Variants in EIPR1 observed in about 807,000 individuals in gnomAD.
EIPR1 encodes EARP and GARP complex-interacting protein 1.
Under a neutral mutation model 48.1 loss-of-function variants are expected in EIPR1, and 25 were observed. That is an observed-to-expected ratio of 0.52 (90% CI 0.38 to 0.73). The LOEUF (loss-of-function observed/expected upper bound fraction) is 0.73. Ranked by LOEUF, EIPR1 falls within the 30% of genes least tolerant of loss-of-function variation. EIPR1 has a pLI of 0.00. For missense variants in EIPR1, 415 were observed against 506.2 expected, an observed-to-expected ratio of 0.82 and a Z score of 1.73; for synonymous variants, 204 against 201.9, an observed-to-expected ratio of 1.01 and a Z score of -0.09.
At chr2:3,206,728 C>T (rs1485003129) in intron 5 of EIPR1, among the ~76,000 whole-genome samples, 3 of 152,016 alleles carry the variant, frequency 2.0e-5, no homozygotes, top group African/African-American at 7.3e-5. Flanking sequence ...ATTGGAAAGA[C>T]CATGAGTACA....
intron 3 of EIPR1, among the ~76,000 whole-genome samples, chr2:3,281,516 G>A (rs1283197479): frequency 6.6e-6 from 1 of 152,084 alleles, no homozygotes; most frequent in East Asian, 1.9e-4. Flanking sequence ...GTGGTGAGAT[G>A]AAAAAACTGA....
chr2:3,346,252 A>G (rs927721690), intron 2 of EIPR1, among the ~76,000 whole-genome samples: 3 of 152,240 alleles, frequency 2.0e-5, no homozygotes, highest in African/African-American at 7.2e-5. Context: ...TTTTGACCCA[A>G]TGCTCGTTGA....
intron 2 of EIPR1, among the ~76,000 whole-genome samples, chr2:3,347,454 C>CTCTT (rs1257081345): frequency 2.0e-5 from 3 of 152,214 alleles, no homozygotes; most frequent in Admixed American, 6.5e-5. Flanking sequence ...TGCACAAGCT[C>CTCTT]TCTTTGCCTG....
intron 4 of EIPR1, among the ~76,000 whole-genome samples, chr2:3,254,223 A>G (rs1667086278): frequency 1.3e-5 from 2 of 152,164 alleles, no homozygotes; most frequent in Admixed American, 6.5e-5. Context: ...AAGACACTTA[A>G]AAGAACACGC....
At chr2:3,239,703 T>C (rs2694101) in intron 4 of EIPR1, among the ~76,000 whole-genome samples, 1 of 148,964 alleles carries the variant, frequency 6.7e-6, no homozygotes, top group Non-Finnish European at 1.5e-5. Flanking sequence ...TGGCTGCTCA[T>C]TAACCCCCTT....
intron 5 of EIPR1, among the ~76,000 whole-genome samples, chr2:3,205,278 A>G (rs1665190841): frequency 6.6e-6 from 1 of 152,214 alleles, no homozygotes; most frequent in South Asian, 2.1e-4. Flanking sequence ...CTCGCCAATG[A>G]CTAGTTTAGA....
intron 3 of EIPR1, among the ~76,000 whole-genome samples, chr2:3,269,444 A>G (rs1217441047): frequency 6.8e-5 from 9 of 132,050 alleles, no homozygotes; most frequent in African/African-American, 1.7e-4. Context: ...AATCATCACC[A>G]CACTCAATCA....
chr2:3,246,919 G>A (rs1256884471), intron 4 of EIPR1, among the ~76,000 whole-genome samples: 5 of 93,354 alleles, frequency 5.4e-5, no homozygotes, highest in African/African-American at 2.2e-4. Flanking sequence ...GAGGGAGGGA[G>A]AGAGGGAAGG....
Position 3,286,126 on chromosome 2 carries a change from A to C in EIPR1, c.260-28671T>G, listed in dbSNP as rs1387836173. The stretch of plus-strand genomic sequence containing the variant: ...CCCAGGACTCCAGCTTTTTCCAGCC[A>C]AGCCCCCAGGCACATGGAGCAGACA... On this transcript the variant is annotated intron_variant, in intron 3 of 8. Transcript: ENST00000382125. This position sits in a 1 kb window ranked among gnomAD's most constrained non-coding sequence, Gnocchi z 4.2. Among the ~76,000 whole-genome samples the C allele has an allele frequency of 2.0e-5, 3 of 152,146 alleles. No individual in the cohort carries two copies. The highest frequency in any genetic ancestry group is 4.4e-5 in the Non-Finnish European group (3 of 68,010).
chr2:3,214,117 G>T, intron 5 of EIPR1, 32 bp downstream of exon 5: 1 of 1,595,306 alleles, frequency 6.3e-7, no homozygotes, highest in Non-Finnish European at 8.6e-7. Context: ...TAAAAATACA[G>T]AAACAAACGC....
At chr2:3,353,293 C>CTT (rs764316423) in intron 2 of EIPR1, 6 of 470,930 alleles carry the variant, frequency 1.3e-5, no homozygotes, top group Non-Finnish European at 2.2e-5. Flanking sequence ...ATTTTTAGTC[C>CTT]TTTTTGGCCT....
At chr2:3,324,077 G>A (rs750366328) in intron 3 of EIPR1, among the ~76,000 whole-genome samples, 4 of 152,170 alleles carry the variant, frequency 2.6e-5, no homozygotes, top group Non-Finnish European at 4.4e-5. Flanking sequence ...TTATGCACAC[G>A]GCCTTCTCTG....
chr2:3,244,023 G>A (rs1666721653), intron 4 of EIPR1, among the ~76,000 whole-genome samples: 1 of 152,212 alleles, frequency 6.6e-6, no homozygotes, highest in Non-Finnish European at 1.5e-5. Flanking sequence ...TTCACATGGT[G>A]TCTCCTCTCT....
intron 1 of EIPR1, among the ~76,000 whole-genome samples, chr2:3,372,416 C>A (rs1259408179): frequency 2.7e-5 from 4 of 150,314 alleles, no homozygotes; most frequent in Middle Eastern, 3.4e-3. Context: ...ACACAAAAAA[C>A]CCTTCAAAAA....
chr2:3,190,100 C>A (rs2103099638), intron 8 of EIPR1, among the ~76,000 whole-genome samples: 1 of 152,162 alleles, frequency 6.6e-6, no homozygotes, highest in Middle Eastern at 3.4e-3. Context: ...GCCTGGCCTC[C>A]CCCAGGGTGT....
At position 3,369,367 on chromosome 2, in the gene EIPR1, G is replaced by C. The variant is rs188422585; in HGVS notation, c.42+8281C>G. Reference sequence around the variant, plus strand: ...GGTACCGGGTTCATCTCACTAGGGAGTGCCAGACAGTGGGCGCAGGTCAGT... The same window carrying C: ...GGTACCGGGTTCATCTCACTAGGGACTGCCAGACAGTGGGCGCAGGTCAGT... On this transcript the variant is annotated intron_variant, in intron 1 of 8. Coordinates refer to ENST00000382125, the MANE Select transcript of EIPR1 (RefSeq NM_003310.5). 3.1e-3 allele frequency among the ~76,000 whole-genome samples: 471 copies of C among 152,334 alleles called. 2 individuals carry two copies. Among genetic ancestry groups the C allele is most frequent in the African/African-American group, 0.01 (434 of 41,570 alleles).
At chr2:3,300,876 A>T (rs1170413708) in intron 3 of EIPR1, 1 of 152,210 alleles carries the variant, frequency 6.6e-6, no homozygotes, top group Non-Finnish European at 1.5e-5. Context: ...GACAGTGCCA[A>T]TTCCAACAGC....
At chr2:3,271,337 T>G (rs1238173240) in intron 3 of EIPR1, among the ~76,000 whole-genome samples, 1 of 152,242 alleles carries the variant, frequency 6.6e-6, no homozygotes, top group Non-Finnish European at 1.5e-5. Flanking sequence ...GCATCTAGAA[T>G]GGTGAATCCT....
At chr2:3,375,044 G>A (rs1446492054) in intron 1 of EIPR1, among the ~76,000 whole-genome samples, 17 of 149,856 alleles carry the variant, frequency 1.1e-4, no homozygotes, top group African/African-American at 3.7e-4. Flanking sequence ...GGAATACTAT[G>A]CAGCCATAAA....
Sources: allele counts gnomAD v4.1 joint callset (sites outside exome capture counted in the v4.1 genomes callset), GRCh38; gene constraint gnomAD v4.1.1; non-coding constraint Gnocchi (gnomAD v3.1); transcripts MANE v1.5; gene names NCBI Gene and HGNC (gene_info 2026-07-23, HGNC 2026-07-21).